SLC38A6: variants seen among roughly 807,000 people sequenced by gnomAD.
SLC38A6 encodes the protein N system amino acid transporter NAT-1.
Under a neutral mutation model 65.0 loss-of-function variants are expected in SLC38A6, and 73 were observed. The observed-to-expected ratio is 1.12, with a 90% CI of 0.93 to 1.37. SLC38A6 has a LOEUF of 1.37. Among genes scored for constraint, SLC38A6 ranks in the 40% most tolerant of loss-of-function variants. SLC38A6 has a pLI of 0.00. For synonymous variants in SLC38A6, 183 were observed against 178.8 expected (o/e 1.02, Z -0.19); for missense variants, 561 against 531.1 (o/e 1.06, Z -0.55).
intron 5 of SLC38A6, among the ~76,000 whole-genome samples, chr14:61,030,074 C>T (rs945249903): frequency 3.3e-5 from 5 of 152,162 alleles, no homozygotes; most frequent in Non-Finnish European, 7.4e-5. Context: ...TGTTGCTAAA[C>T]TAACCTCTAA....
intron 3 of SLC38A6, among the ~76,000 whole-genome samples, chr14:61,003,917 A>G (rs929671284): frequency 6.6e-6 from 1 of 152,128 alleles, no homozygotes; most frequent in East Asian, 1.9e-4. Flanking sequence ...GTCAGTCTCC[A>G]TTTAAGAGCC....
In SLC38A6 at chr14:60,999,400, AT is replaced by A. The variant is rs1256625501; in HGVS notation, c.310+14605del. Among the ~76,000 whole-genome samples the A allele has an allele frequency of 2.0e-5, 3 of 151,934 alleles. No individual in the cohort carries two copies. In the East Asian group the frequency reaches 5.8e-4, roughly 29 times the overall value. On this transcript the variant is annotated intron_variant, in intron 3 of 15. Coordinates refer to ENST00000267488, the MANE Select transcript of SLC38A6 (RefSeq NM_153811.3). ...GTGAAATGGCCTTTGTGTGCTCCTCATTTTTTTTCTTTTTTAAGGCAAAAAG... is the reference window on the plus strand; with the variant it reads ...GTGAAATGGCCTTTGTGTGCTCCTCATTTTTTTCTTTTTTAAGGCAAAAAG...
chr14:61,014,523 C>T (rs188049109), intron 3 of SLC38A6, among the ~76,000 whole-genome samples: 1,843 of 152,016 alleles, frequency 0.012, 25 homozygotes, highest in Non-Finnish European at 0.017. Context: ...TTTTATCTAC[C>T]TTTGGTCTTT....
chr14:61,047,291 C>T (rs1312934433), intron 12 of SLC38A6, among the ~76,000 whole-genome samples: 1 of 152,166 alleles, frequency 6.6e-6, no homozygotes, highest in African/African-American at 2.4e-5. Flanking sequence ...TGCTTAGAAA[C>T]TGTATTAAAT....
At chr14:61,075,077 A>G (rs1018609437) in intron 15 of SLC38A6, among the ~76,000 whole-genome samples, 1 of 152,234 alleles carries the variant, frequency 6.6e-6, no homozygotes, top group African/African-American at 2.4e-5. Context: ...CACTCTGCAT[A>G]AAAGAGAAAA....
At chr14:61,047,488 A>G (rs1422805966) in intron 12 of SLC38A6, among the ~76,000 whole-genome samples, 1 of 152,186 alleles carries the variant, frequency 6.6e-6, no homozygotes, top group Non-Finnish European at 1.5e-5. Context: ...AAGCCAGTTA[A>G]TAGTGGAATT....
chr14:61,045,585 T>G (rs1378308358), intron 11 of SLC38A6, among the ~76,000 whole-genome samples, 160 bp downstream of exon 11: 3 of 152,156 alleles, frequency 2.0e-5, no homozygotes, highest in African/African-American at 7.2e-5. Context: ...TCTGTCCAAG[T>G]TAAGAATGTT....
intron 3 of SLC38A6, among the ~76,000 whole-genome samples, chr14:60,992,670 TA>T (rs746206113): frequency 1.3e-5 from 2 of 152,210 alleles, no homozygotes; most frequent in Non-Finnish European, 2.9e-5. Flanking sequence ...CCCTCTGTTA[TA>T]TTTTTTTTCT....
At chr14:61,054,253 G>A (rs1413680014), downstream of SLC38A6, among the ~76,000 whole-genome samples, 1 of 151,966 alleles carries the variant, frequency 6.6e-6, no homozygotes, top group Non-Finnish European at 1.5e-5. Flanking sequence ...TTATACCACT[G>A]TCATGCAGTT....
intron 5 of SLC38A6, 50 bp downstream of exon 5, chr14:61,019,630 G>A: frequency 1.9e-6 from 3 of 1,568,268 alleles, no homozygotes; most frequent in East Asian, 2.2e-5. Context: ...TGGCAATAAT[G>A]TCCTTTGAAT....
At position 60,999,067 on chromosome 14, in the gene SLC38A6, T is replaced by G. The variant is rs140401612; in HGVS notation, c.310+14264T>G. Among the ~76,000 whole-genome samples, 244 of 152,334 alleles carry G rather than the reference T, an allele frequency of 1.6e-3. 1 individual carries two copies. The highest frequency in any genetic ancestry group is 3.5e-3 in the South Asian group (17 of 4,828). ...AAGTACCAAAAATAGTTTACTGTTATTAGTAGTACATAAAGTACAAAGGAG... is the reference window on the plus strand; with the variant it reads ...AAGTACCAAAAATAGTTTACTGTTAGTAGTAGTACATAAAGTACAAAGGAG... On this transcript the variant is annotated intron_variant, in intron 3 of 15. Coordinates refer to ENST00000267488, the MANE Select transcript of SLC38A6 (RefSeq NM_153811.3).
At chr14:61,028,760 T>G (rs934626605) in intron 5 of SLC38A6, among the ~76,000 whole-genome samples, 4 of 152,306 alleles carry the variant, frequency 2.6e-5, no homozygotes, top group Admixed American at 2.0e-4. Flanking sequence ...CACAGAGAAG[T>G]GATTATTTAA....
At chr14:61,047,089 A>G (rs2042196284) in intron 12 of SLC38A6, among the ~76,000 whole-genome samples, 1 of 152,118 alleles carries the variant, frequency 6.6e-6, no homozygotes, top group Non-Finnish European at 1.5e-5. Context: ...GAATAGCTAT[A>G]TATTTCTTTT....
At chr14:61,031,737 A>G (rs1352291684) in intron 6 of SLC38A6, among the ~76,000 whole-genome samples, 1 of 148,738 alleles carries the variant, frequency 6.7e-6, no homozygotes, top group East Asian at 1.9e-4. Flanking sequence ...ATCTGCTGTA[A>G]AAAACATTGA....
In SLC38A6 at chr14:61,007,781, T is replaced by A. The variant is rs2039260036; in HGVS notation, c.311-8123T>A. ...CAAAATTACCTTCTCAATGCCAAATTAGAAAATGATATGTACATAATTTTC... is the reference window on the plus strand; with the variant it reads ...CAAAATTACCTTCTCAATGCCAAATAAGAAAATGATATGTACATAATTTTC... On this transcript the variant is annotated intron_variant, in intron 3 of 15. Transcript: ENST00000267488. Among the ~76,000 whole-genome samples, 4 of 152,158 alleles carry A rather than the reference T, an allele frequency of 2.6e-5. No individual in the cohort carries two copies. In the South Asian group the frequency reaches 8.3e-4, roughly 32 times the overall value.
At chr14:60,997,445 T>A (rs2038376658) in intron 3 of SLC38A6, among the ~76,000 whole-genome samples, 1 of 152,164 alleles carries the variant, frequency 6.6e-6, no homozygotes, top group Non-Finnish European at 1.5e-5. Flanking sequence ...AGCCACTGCC[T>A]GGCTGGAGTT....
At chr14:61,028,012 A>G (rs1181288471) in intron 5 of SLC38A6, among the ~76,000 whole-genome samples, 1 of 152,020 alleles carries the variant, frequency 6.6e-6, no homozygotes, top group African/African-American at 2.4e-5. Flanking sequence ...CTTAAAATAT[A>G]CATGATTCTT....
chr14:61,022,942 A>G (rs2040417076), intron 5 of SLC38A6, among the ~76,000 whole-genome samples: 2 of 152,196 alleles, frequency 1.3e-5, no homozygotes, highest in South Asian at 4.1e-4. Flanking sequence ...GCTATGATAT[A>G]GCAAATGTTT....
intron 6 of SLC38A6, chr14:61,030,754 A>G (rs2040931766): frequency 2.7e-6 from 1 of 364,056 alleles, no homozygotes; most frequent in Admixed American, 4.5e-5. Flanking sequence ...CACCAGATAT[A>G]ATCCTTGCAT....
Sources: allele counts gnomAD v4.1 joint callset (sites outside exome capture counted in the v4.1 genomes callset), GRCh38; gene constraint gnomAD v4.1.1; transcripts MANE v1.5; gene names NCBI Gene and HGNC (gene_info 2026-07-23, HGNC 2026-07-21).